PCDHA4: variants seen among roughly 807,000 people sequenced by gnomAD.
PCDHA4 encodes the protein protocadherin alpha 4.
In PCDHA4, 49 loss-of-function variants were observed where a neutral mutation model predicts 61.4. The ratio of observed to expected loss-of-function variants is 0.80; its 90% CI spans 0.63 to 1.01. The LOEUF (loss-of-function observed/expected upper bound fraction) is 1.01, where lower values mean the gene tolerates loss of function less well. PCDHA4 is among the 50% of genes least tolerant of loss of function. The pLI is 0.00. For missense variants in PCDHA4, 1,254 were observed against 1,235.8 expected (o/e 1.01, Z -0.22); for synonymous variants, 590 against 550.3 (o/e 1.07, Z -1.01).
intron 3 of PCDHA4, among the ~76,000 whole-genome samples, chr5:140,991,401 T>C (rs1271447254): frequency 6.6e-6 from 1 of 152,218 alleles, no homozygotes; most frequent in Non-Finnish European, 1.5e-5. Context: ...TGTATTTATT[T>C]CCCATTATGC....
At chr5:140,955,480 C>T (rs940139413) in intron 1 of PCDHA4, among the ~76,000 whole-genome samples, 3 of 152,088 alleles carry the variant, frequency 2.0e-5, no homozygotes, top group African/African-American at 7.2e-5. Flanking sequence ...GGCACCTCTC[C>T]TTCCTGCCAC....
chr5:140,941,191 T>TTTTTTTTC (rs1554213809), intron 1 of PCDHA4, among the ~76,000 whole-genome samples: 21 of 93,258 alleles, frequency 2.3e-4, no homozygotes, highest in African/African-American at 5.9e-4. Flanking sequence ...GCTTCTTTTT[T>TTTTTTTTC]TTTCTTTCTT....
intron 1 of PCDHA4, among the ~76,000 whole-genome samples, chr5:140,934,646 T>C (rs1554210032): frequency 6.6e-6 from 1 of 152,116 alleles, no homozygotes; most frequent in African/African-American, 2.4e-5. Flanking sequence ...GCAGGATAAA[T>C]GTTTGATTCT....
intron 3 of PCDHA4, among the ~76,000 whole-genome samples, chr5:140,983,425 C>A (rs1252010683): frequency 6.6e-6 from 1 of 152,198 alleles, no homozygotes; most frequent in Non-Finnish European, 1.5e-5. Context: ...GTAGAGACCA[C>A]AAATTGTGTC....
rs553967078 is a variant in PCDHA4, at chr5:140,856,258, C to T, written c.2385+46686C>T. 103 of 1,598,068 alleles carry T rather than the reference C, an allele frequency of 6.4e-5. 11 individuals carry two copies. The highest frequency in any genetic ancestry group is 2.7e-4 in the Admixed American group (16 of 59,260). On this transcript the variant is annotated intron_variant, in intron 1 of 3. Transcript: ENST00000530339. Reference sequence around the variant, plus strand: ...TGTTCCGGGTGGCGTCCAAAAGACACGGGGACCTTCTGGAGGTAAATCTGC... The same window carrying T: ...TGTTCCGGGTGGCGTCCAAAAGACATGGGGACCTTCTGGAGGTAAATCTGC...
chr5:140,817,968 T>C (rs2150099718), intron 1 of PCDHA4, among the ~76,000 whole-genome samples: 7 of 152,340 alleles, frequency 4.6e-5, no homozygotes, highest in Non-Finnish European at 8.8e-5. Context: ...GTGTCTTTTT[T>C]TCTGTCTAGC....
intron 1 of PCDHA4, chr5:140,929,159 A>C (rs781818133): frequency 1.2e-6 from 2 of 1,613,968 alleles, no homozygotes; most frequent in African/African-American, 1.3e-5. Context: ...ACTTATCTCT[A>C]TCGGGCCTCT....
chr5:140,966,502 GGCA>G (rs2096011406), intron 1 of PCDHA4: 14 of 433,816 alleles, frequency 3.2e-5, no homozygotes, highest in South Asian at 2.3e-4. Context: ...GAGCTGTAGC[GGCA>G]GCAGCAGCAG....
At chr5:140,985,981 C>T (rs966841419) in intron 3 of PCDHA4, among the ~76,000 whole-genome samples, 18 of 152,140 alleles carry the variant, frequency 1.2e-4, no homozygotes, top group Middle Eastern at 6.8e-3. Context: ...CCTCGTGATC[C>T]GCCCACCTCA....
chr5:140,834,585 T>A, intron 1 of PCDHA4: 1 of 1,614,126 alleles, frequency 6.2e-7, no homozygotes, highest in Non-Finnish European at 8.5e-7. Flanking sequence ...CCGGGCGGTG[T>A]GCAAATTCCG....
chr5:140,842,193 A>G, intron 1 of PCDHA4: 1 of 1,613,816 alleles, frequency 6.2e-7, no homozygotes, highest in Non-Finnish European at 8.5e-7. Context: ...ATGGTTATTG[A>G]CCACTTTAGC....
At chr5:140,879,141 G>C (rs1413837977) in intron 1 of PCDHA4, among the ~76,000 whole-genome samples, 2 of 152,192 alleles carry the variant, frequency 1.3e-5, no homozygotes, top group Non-Finnish European at 2.9e-5. Context: ...GATTGTGAAG[G>C]CAGGAAAGCT....
chr5:140,990,611 G>T lies in PCDHA4; in HGVS notation c.2533+8048G>T, dbSNP rs577900189. ...AATCACCTGGAGTCAGATGAATACCGTAAAGGTCTGTGGTAAGACTAGAAG... is the reference window on the plus strand; with the variant it reads ...AATCACCTGGAGTCAGATGAATACCTTAAAGGTCTGTGGTAAGACTAGAAG... On this transcript the variant is annotated intron_variant, in intron 3 of 3. Transcript: ENST00000530339. 5.3e-5 allele frequency among the ~76,000 whole-genome samples: 8 copies of T among 152,230 alleles called. No homozygotes were observed. In the East Asian group the frequency reaches 9.6e-4, roughly 18 times the overall value.
At chr5:140,876,838 G>C in intron 1 of PCDHA4, 1 of 1,614,140 alleles carries the variant, frequency 6.2e-7, no homozygotes, top group Non-Finnish European at 8.5e-7. Flanking sequence ...GCCTGCGTTC[G>C]CGCAGCCCGA....
intron 1 of PCDHA4, chr5:140,827,998 C>G: frequency 2.0e-6 from 3 of 1,482,462 alleles, no homozygotes; most frequent in Non-Finnish European, 2.7e-6. Flanking sequence ...TGATGGCGGA[C>G]GCAGAAGAAA....
At chr5:140,882,174 C>A (rs868925922) in intron 1 of PCDHA4, 1 of 1,514,752 alleles carries the variant, frequency 6.6e-7, no homozygotes, top group Non-Finnish European at 8.8e-7. Flanking sequence ...CGAATCCTTC[C>A]GCACTAGGAA....
chr5:140,857,004 T>C (rs1554149409), intron 1 of PCDHA4: 1 of 1,595,634 alleles, frequency 6.3e-7, no homozygotes, highest in Non-Finnish European at 8.6e-7. Context: ...GAAATTCATG[T>C]AGATGTTACA....
At chr5:140,870,370 GT>G in intron 1 of PCDHA4, 1 of 1,614,208 alleles carries the variant, frequency 6.2e-7, no homozygotes. Context: ...CTATGAACTG[GT>G]GGTGACTGCG....
chr5:140,978,849 T>C, intron 1 of PCDHA4, 100 bp from the exon 2 acceptor site: 7 of 1,577,036 alleles, frequency 4.4e-6, no homozygotes, highest in Non-Finnish European at 5.2e-6. Flanking sequence ...CTTTTTTAGA[T>C]GCCTGGAAAT....
Sources: allele counts gnomAD v4.1 joint callset (sites outside exome capture counted in the v4.1 genomes callset), GRCh38; gene constraint gnomAD v4.1.1; transcripts MANE v1.5; gene names NCBI Gene and HGNC (gene_info 2026-07-23, HGNC 2026-07-21).